IPCEF1: variants seen among roughly 807,000 people sequenced by gnomAD.
IPCEF1 encodes the protein interaction protein for cytohesin exchange factors 1.
IPCEF1 carries 31 observed loss-of-function variants against 50.9 expected under a neutral mutation model. The ratio of observed to expected loss-of-function variants is 0.61; its 90% CI spans 0.46 to 0.82. The LOEUF is 0.82. Among genes scored for constraint, IPCEF1 ranks in the 40% least tolerant of loss-of-function variants. IPCEF1 has a pLI of 0.00. For missense variants in IPCEF1, 458 were observed against 514.0 expected (o/e 0.89, Z 1.05); for synonymous variants, 181 against 192.0 (o/e 0.94, Z 0.47).
At chr6:154,219,827 G>T (rs1443759486) in intron 7 of IPCEF1, among the ~76,000 whole-genome samples, 2 of 152,152 alleles carry the variant, frequency 1.3e-5, no homozygotes, top group Admixed American at 1.3e-4. Flanking sequence ...AGACTCAACT[G>T]TCCGTTCCTT....
intron 3 of IPCEF1, among the ~76,000 whole-genome samples, chr6:154,262,171 C>A (rs1376712398): frequency 6.6e-6 from 1 of 152,132 alleles, no homozygotes. Context: ...AATAGACACA[C>A]GAGGAGAGCT....
chr6:154,249,659 G>T (rs954888503), intron 3 of IPCEF1, among the ~76,000 whole-genome samples: 7 of 152,128 alleles, frequency 4.6e-5, no homozygotes, highest in African/African-American at 1.7e-4. Context: ...CCAAGGCAGA[G>T]AGGAAGTGAT....
At chr6:154,174,848 C>T (rs1562523881) in intron 10 of IPCEF1, among the ~76,000 whole-genome samples, 3 of 152,230 alleles carry the variant, frequency 2.0e-5, no homozygotes, top group Non-Finnish European at 4.4e-5. Context: ...GAACTCTCCA[C>T]CCAAAATCAA....
intron 2 of IPCEF1, among the ~76,000 whole-genome samples, chr6:154,281,184 CAAAA>C (rs35597942): frequency 6.8e-5 from 4 of 59,158 alleles, no homozygotes; most frequent in African/African-American, 1.3e-4. Flanking sequence ...TACTAAAATA[CAAAA>C]AAAAAAAAAA....
At chr6:154,353,855 C>A (rs1227412229) in intron 1 of IPCEF1, among the ~76,000 whole-genome samples, 3 of 152,160 alleles carry the variant, frequency 2.0e-5, no homozygotes, top group Non-Finnish European at 2.9e-5. Flanking sequence ...CCATAAATAT[C>A]ATTTTCTTGA....
intron 1 of IPCEF1, among the ~76,000 whole-genome samples, chr6:154,290,891 G>C (rs1375709889): frequency 1.1e-5 from 1 of 94,696 alleles, no homozygotes; most frequent in South Asian, 2.9e-4. Context: ...GGAATATATT[G>C]CCTTTTTTTT....
intron 5 of IPCEF1, among the ~76,000 whole-genome samples, chr6:154,245,753 A>G (rs1338730600): frequency 6.6e-6 from 1 of 152,176 alleles, no homozygotes; most frequent in Non-Finnish European, 1.5e-5. Flanking sequence ...CTCTCCTGAG[A>G]GCAGCAATCA....
rs184765816 is a variant in IPCEF1 at position 154,169,896 on chromosome 6, T to C, written c.911-1783A>G. 3.9e-5 allele frequency among the ~76,000 whole-genome samples: 6 copies of C among 152,342 alleles called. No homozygotes were observed. In the East Asian group the frequency reaches 1.2e-3, roughly 29 times the overall value. ...TATCAGATAAGTAATCTCTCTTTTT[T>C]CTTAAGCTGAATGTTGTGATAGTGT... On this transcript the variant is annotated intron_variant, in intron 10 of 11. Coordinates refer to ENST00000367220, the MANE Select transcript of IPCEF1 (RefSeq NM_001130700.2).
At chr6:154,269,702 A>G (rs1562573544) in intron 2 of IPCEF1, among the ~76,000 whole-genome samples, 2 of 152,194 alleles carry the variant, frequency 1.3e-5, no homozygotes, top group Admixed American at 1.3e-4. Flanking sequence ...ATTCAAAAAT[A>G]ATTTTGGGCA....
At chr6:154,270,353 T>C (rs1366392435) in intron 2 of IPCEF1, among the ~76,000 whole-genome samples, 1 of 152,210 alleles carries the variant, frequency 6.6e-6, no homozygotes, top group Non-Finnish European at 1.5e-5. Context: ...CATATTTACT[T>C]ACGTGAAAAA....
At chr6:154,194,899 T>C (rs1397984305) in intron 10 of IPCEF1, among the ~76,000 whole-genome samples, 1 of 152,050 alleles carries the variant, frequency 6.6e-6, no homozygotes. Context: ...TTTCCCAACA[T>C]CAAATGATAC....
At chr6:154,232,033 T>C (rs574549304) in intron 5 of IPCEF1, among the ~76,000 whole-genome samples, 13 of 152,322 alleles carry the variant, frequency 8.5e-5, no homozygotes, top group African/African-American at 3.1e-4. Flanking sequence ...TTATCATTTT[T>C]ACATAGTCTT....
intron 1 of IPCEF1, among the ~76,000 whole-genome samples, chr6:154,321,564 G>T (rs1011410094): frequency 1.3e-5 from 2 of 151,966 alleles, no homozygotes; most frequent in Non-Finnish European, 2.9e-5. Flanking sequence ...GATCACCTGA[G>T]GTCAGGGGTT....
In IPCEF1 at chr6:154,260,003, C is replaced by T. The variant is rs942609520; in HGVS notation, c.36+5909G>A. Among the ~76,000 whole-genome samples the T allele has an allele frequency of 9.2e-5, 14 of 152,304 alleles. No individual in the cohort carries two copies. In the South Asian group the frequency reaches 1.0e-3, roughly 11 times the overall value. On this transcript the variant is annotated intron_variant, in intron 3 of 11. Transcript: ENST00000367220. ...CTTCCACTCCCTGCAGTTCACACGA[C>T]GAGCACGGAGATGGAGTGAGCGGTG...
chr6:154,341,797 T>C (rs1476530223), intron 1 of IPCEF1, among the ~76,000 whole-genome samples: 2 of 152,200 alleles, frequency 1.3e-5, no homozygotes, highest in African/African-American at 4.8e-5. Context: ...GTTTTATCAT[T>C]ACCATCATTC....
At chr6:154,169,280 G>C (rs376966914) in intron 10 of IPCEF1, among the ~76,000 whole-genome samples, 1 of 152,140 alleles carries the variant, frequency 6.6e-6, no homozygotes, top group Non-Finnish European at 1.5e-5. Context: ...AGAATCACTT[G>C]AGCCTGGGAG....
At chr6:154,324,771 G>A (rs188016357) in intron 1 of IPCEF1, among the ~76,000 whole-genome samples, 21 of 152,248 alleles carry the variant, frequency 1.4e-4, no homozygotes, top group Admixed American at 1.2e-3. Context: ...TCGCGCTACT[G>A]TACTCCAGCC....
intron 5 of IPCEF1, among the ~76,000 whole-genome samples, chr6:154,225,321 G>A (rs1779167209): frequency 6.6e-6 from 1 of 152,170 alleles, no homozygotes; most frequent in Non-Finnish European, 1.5e-5. Context: ...ACTCACAACA[G>A]CCAAAAGGTA....
chr6:154,193,568 G>C (rs1462627586), intron 10 of IPCEF1, among the ~76,000 whole-genome samples: 1 of 152,190 alleles, frequency 6.6e-6, no homozygotes, highest in Non-Finnish European at 1.5e-5. Context: ...CTGCTAAGGA[G>C]TAAATAATAA....
Sources: gnomAD v4.1 joint callset for allele counts (sites outside exome capture counted in the v4.1 genomes callset) on GRCh38, gnomAD v4.1.1 for gene constraint, MANE v1.5 for transcripts, NCBI Gene and HGNC (gene_info 2026-07-23, HGNC 2026-07-21) for gene names.